LRP2BP: variants seen among roughly 807,000 people sequenced by gnomAD.
LRP2BP encodes LRP2-binding protein.
LRP2BP carries 38 observed loss-of-function variants against 45.2 expected under a neutral mutation model. That is an observed-to-expected ratio of 0.84 (90% CI 0.65 to 1.10). The LOEUF is 1.10. LRP2BP is among the 50% of genes least tolerant of loss of function. The probability of loss-of-function intolerance (pLI) is 0.00; values close to 1 mark genes in which losing one functional copy is unlikely to be tolerated. For synonymous variants in LRP2BP, 153 were observed against 153.9 expected, an observed-to-expected ratio of 0.99 and a Z score of 0.04; for missense variants, 385 against 418.9, an observed-to-expected ratio of 0.92 and a Z score of 0.71.
intron 4 of LRP2BP, 87 bp from the exon 5 acceptor site, chr4:185,374,548 C>T (rs910085663): frequency 3.4e-5 from 47 of 1,375,524 alleles, no homozygotes; most frequent in Admixed American, 7.9e-5. Flanking sequence ...GTGAAGTGTC[C>T]GCCCTCTGAC....
intron 7 of LRP2BP, among the ~76,000 whole-genome samples, chr4:185,371,540 TAAAAA>T (rs11288148): frequency 2.6e-5 from 2 of 78,300 alleles, no homozygotes; most frequent in Non-Finnish European, 4.9e-5. Flanking sequence ...AGACTCCGTC[TAAAAA>T]AAAAAAAAAA....
intron 1 of LRP2BP, among the ~76,000 whole-genome samples, chr4:185,387,650 A>G (rs2126837438): frequency 6.6e-6 from 1 of 152,336 alleles, no homozygotes; most frequent in Middle Eastern, 3.4e-3. Context: ...TTCTGTAATA[A>G]TATTGTGGTG....
At position 185,388,160 on chromosome 4, in the gene LRP2BP, C is replaced by T. The variant is rs1022118475; in HGVS notation, c.-22+6619G>A. Among the ~76,000 whole-genome samples the T allele has an allele frequency of 4.6e-5, 7 of 152,234 alleles. No homozygotes were observed. In the South Asian group the frequency reaches 6.2e-4, roughly 14 times the overall value. On this transcript the variant is annotated intron_variant, in intron 1 of 8. Coordinates refer to ENST00000505916, the MANE Select transcript of LRP2BP (RefSeq NM_001377440.1). ...TTCCACGGCGTGTAAGGCAGAGATT[C>T]GGACTCAGAAATTAGGGAGGTGGCT...
rs1274478556 is a variant in LRP2BP at position 185,374,466 on chromosome 4, G to A, written c.331-5C>T. On this transcript the variant is annotated splice_region_variant and splice_polypyrimidine_tract_variant and intron_variant, in intron 4 of 8. Transcript: ENST00000505916. ...CATATAGTCCACCCCTTTCTCCTTC[G>A]ACAAAAGAAAGAGCAAAAAAACCCT... 4.4e-6 allele frequency: 7 copies of A among 1,602,758 alleles called. No individual in the cohort carries two copies. The highest frequency in any genetic ancestry group is 2.3e-5 in the South Asian group (2 of 88,334).
intron 8 of LRP2BP, among the ~76,000 whole-genome samples, chr4:185,367,812 C>G (rs547252172): frequency 6.6e-6 from 1 of 152,242 alleles, no homozygotes; most frequent in African/African-American, 2.4e-5. Context: ...GTTACACATT[C>G]TACATATGTA....
intron 1 of LRP2BP, chr4:185,378,448 C>T: frequency 7.9e-7 from 1 of 1,265,746 alleles, no homozygotes; most frequent in South Asian, 2.0e-5. Context: ...CACCATGAGA[C>T]CTGTTTGCAC....
rs113360613 is a variant in LRP2BP, at chr4:185,366,489, A to G, written c.*691T>C. 231 of 152,322 alleles carry G rather than the reference A, an allele frequency of 1.5e-3. 2 individuals are homozygous for G. The highest frequency in any genetic ancestry group is 5.1e-3 in the African/African-American group (211 of 41,582). 9.4% of individuals were successfully genotyped at this position (152,322 alleles called of 1,614,324 possible). ...TTTGGAGGGGCAAGATTCTAAAGCA[A>G]TGTCTTATAACCCACTTTTTTGAAG... On this transcript the variant is annotated 3_prime_UTR_variant, in exon 9 of 9. Transcript: ENST00000505916.
intron 7 of LRP2BP, among the ~76,000 whole-genome samples, chr4:185,372,389 T>C: frequency 6.6e-6 from 1 of 152,234 alleles, no homozygotes; most frequent in East Asian, 1.9e-4. Context: ...TTACATTAAG[T>C]AAAATTTAAA....
At chr4:185,387,039 A>G (rs2095473790) in intron 1 of LRP2BP, among the ~76,000 whole-genome samples, 1 of 152,184 alleles carries the variant, frequency 6.6e-6, no homozygotes, top group Non-Finnish European at 1.5e-5. Context: ...TGAGGTTAGG[A>G]GTTCGAGACC....
chr4:185,369,731 T>C (rs1319828453), intron 8 of LRP2BP: 1 of 439,402 alleles, frequency 2.3e-6, no homozygotes, highest in South Asian at 1.7e-5. Context: ...CAAACTTACC[T>C]GACATTGGAA....
At chr4:185,380,754 A>G (rs1044162135) in intron 1 of LRP2BP, among the ~76,000 whole-genome samples, 3 of 152,054 alleles carry the variant, frequency 2.0e-5, no homozygotes, top group African/African-American at 7.2e-5. Context: ...AGAGGCCCCA[A>G]TCTATTTCAT....
intron 2 of LRP2BP, chr4:185,377,535 C>G (rs7670667): frequency 0.28 from 45,642 of 165,936 alleles, 6,918 homozygotes; most frequent in African/African-American, 0.41. Context: ...ACAACAACAA[C>G]AACAAACAAT....
At chr4:185,374,866 A>C (rs908938298) in intron 4 of LRP2BP, among the ~76,000 whole-genome samples, 1 of 152,138 alleles carries the variant, frequency 6.6e-6, no homozygotes. Flanking sequence ...TTCTTACGAT[A>C]CACTTGCGAG....
At chr4:185,372,780 T>C in intron 7 of LRP2BP, 76 bp downstream of exon 7, 1 of 1,285,036 alleles carries the variant, frequency 7.8e-7, no homozygotes, top group Non-Finnish European at 1.1e-6. Flanking sequence ...CTGTGAGAAA[T>C]AAATTTCTGT....
At chr4:185,394,264 T>TAAAAAA (rs56883920) in intron 1 of LRP2BP, among the ~76,000 whole-genome samples, 1 of 121,430 alleles carries the variant, frequency 8.2e-6, no homozygotes, top group Non-Finnish European at 1.7e-5. Flanking sequence ...GTTTCAGAGT[T>TAAAAAA]AAAAAAAAAA....
chr4:185,373,358 C>T (rs2095422355), intron 6 of LRP2BP, among the ~76,000 whole-genome samples: 1 of 152,110 alleles, frequency 6.6e-6, no homozygotes, highest in South Asian at 2.1e-4. Flanking sequence ...ATTTGGGGAT[C>T]TTCAGAGTAA....
At chr4:185,382,313 T>C (rs1233008106) in intron 1 of LRP2BP, among the ~76,000 whole-genome samples, 1 of 152,236 alleles carries the variant, frequency 6.6e-6, no homozygotes, top group East Asian at 1.9e-4. Context: ...TTATGAATAG[T>C]GCTGCAACAA....
intron 8 of LRP2BP, chr4:185,369,851 T>C (rs2095409077): frequency 9.8e-6 from 4 of 407,152 alleles, no homozygotes; most frequent in Admixed American, 3.0e-5. Context: ...CGGGTGATTT[T>C]AACATGCAGA....
At chr4:185,397,090 C>T (rs1027921079), upstream of LRP2BP, 4 of 1,609,408 alleles carry the variant, frequency 2.5e-6, no homozygotes, top group Non-Finnish European at 1.7e-6. Flanking sequence ...GTTTCCAGCC[C>T]GGAGGGGCGC....
Sources: gnomAD v4.1 joint callset for allele counts (sites outside exome capture counted in the v4.1 genomes callset) on GRCh38, gnomAD v4.1.1 for gene constraint, MANE v1.5 for transcripts, NCBI Gene and HGNC (gene_info 2026-07-23, HGNC 2026-07-21) for gene names.